The following LCLAT1 variants were observed in gnomAD, a reference collection of about 807,000 sequenced individuals.
The protein encoded by LCLAT1 is lysocardiolipin acyltransferase 1.
In LCLAT1, 11 loss-of-function variants were observed where a neutral mutation model predicts 30.7. That is an observed-to-expected ratio of 0.36 (90% confidence interval 0.23 to 0.59). LCLAT1 has a LOEUF of 0.59. Among genes scored for constraint, LCLAT1 ranks in the 20% least tolerant of loss-of-function variants. The probability of loss-of-function intolerance (pLI) is 0.77; values close to 1 mark genes in which losing one functional copy is unlikely to be tolerated. For missense variants in LCLAT1, 402 were observed against 458.6 expected (o/e 0.88, Z 1.13); for synonymous variants, 155 against 151.3 (o/e 1.02, Z -0.18).
At chr2:30,463,329 A>T (rs1382615533) in intron 1 of LCLAT1, among the ~76,000 whole-genome samples, 3 of 152,104 alleles carry the variant, frequency 2.0e-5, no homozygotes, top group Non-Finnish European at 4.4e-5. Context: ...TTTTGAAAAC[A>T]TGGTTTCTAT....
intron 5 of LCLAT1, among the ~76,000 whole-genome samples, chr2:30,624,898 A>G (rs1668433093): frequency 6.6e-6 from 1 of 152,200 alleles, no homozygotes. Context: ...AGAAAAATGA[A>G]ATTATATCCA....
At chr2:30,590,351 G>GTTGA (rs893825883) in intron 5 of LCLAT1, among the ~76,000 whole-genome samples, 1 of 151,136 alleles carries the variant, frequency 6.6e-6, no homozygotes, top group African/African-American at 2.4e-5. Context: ...GGAAACAATA[G>GTTGA]TTGATTAGTT....
chr2:30,520,924 A>G (rs1685440511), intron 1 of LCLAT1, among the ~76,000 whole-genome samples: 1 of 152,220 alleles, frequency 6.6e-6, no homozygotes, highest in South Asian at 2.1e-4. Flanking sequence ...TCCATCTTAA[A>G]TAGGAGCTGG....
intron 4 of LCLAT1, among the ~76,000 whole-genome samples, chr2:30,566,785 T>C (rs888617860): frequency 6.6e-6 from 1 of 152,218 alleles, no homozygotes; most frequent in African/African-American, 2.4e-5. Context: ...ATGTATTTGC[T>C]GAATAATGGG....
In LCLAT1 at chr2:30,643,543, T is replaced by A. The variant is rs1394374167; in HGVS notation, c.*2924T>A. The A allele has an allele frequency of 6.6e-6, 1 of 152,514 alleles. No individual in the cohort carries two copies. The highest frequency in any genetic ancestry group is 6.5e-5 in the Admixed American group (1 of 15,270). 9.4% of individuals were successfully genotyped at this position (152,514 alleles called of 1,614,324 possible). A position where few individuals can be genotyped will look rare whatever the true frequency, so the allele number is the denominator to read the frequency against. On this transcript the variant is annotated 3_prime_UTR_variant, in exon 6 of 6. Coordinates refer to ENST00000379509, the MANE Select transcript of LCLAT1 (RefSeq NM_001002257.3). ...ATTCAAGGGAAATACCAGCTTCCAC[T>A]TGAGTCACTTTGAAATAGTTAATTC...
chr2:30,589,054 T>C (rs1666571966), intron 5 of LCLAT1, among the ~76,000 whole-genome samples: 1 of 152,226 alleles, frequency 6.6e-6, no homozygotes, highest in Admixed American at 6.5e-5. Context: ...TGGTAAAGAG[T>C]ACATTTTGTA....
chr2:30,609,043 A>C (rs547126683), intron 5 of LCLAT1, among the ~76,000 whole-genome samples: 103 of 151,880 alleles, frequency 6.8e-4, no homozygotes, highest in African/African-American at 2.2e-3. Context: ...CTGATTACAA[A>C]GGATTTTCAC....
intron 5 of LCLAT1, among the ~76,000 whole-genome samples, chr2:30,612,427 C>T (rs140056307): frequency 2.0e-4 from 31 of 152,230 alleles, no homozygotes; most frequent in Middle Eastern, 3.4e-3. Flanking sequence ...GTCCTTGTGG[C>T]GCCCTGTGCC....
At chr2:30,476,313 G>C in intron 1 of LCLAT1, 1 of 449,578 alleles carries the variant, frequency 2.2e-6, no homozygotes, top group South Asian at 1.6e-5. Context: ...CACACAGTAA[G>C]TGTTGGAACC....
At position 30,533,289 on chromosome 2, in the gene LCLAT1, G is replaced by A. The variant is rs754334439; in HGVS notation, c.339G>A (p.Ala113=). 15 of 1,613,932 alleles carry A rather than the reference G, an allele frequency of 9.3e-6. No homozygotes were observed. Among genetic ancestry groups the A allele is most frequent in the Admixed American group, 5.0e-5 (3 of 59,996 alleles). The change falls in exon 3 of 6, where the codon GCG becomes GCA. Residue 113 remains alanine (A), a synonymous_variant. Coordinates refer to ENST00000379509, the MANE Select transcript of LCLAT1 (RefSeq NM_001002257.3). The part of the protein sequence containing the change: ...YLRLEKICLK[A]SLKGVPGFGW... ...GATTGGAGAAAATTTGCCTCAAAGC[G>A]AGTCTCAAAGGTGTTCCTGGATTTG... is the stretch of plus-strand genomic sequence containing the variant.
At chr2:30,533,025 G>A (rs545661699) in intron 2 of LCLAT1, 91 bp from the exon 3 acceptor site, 1 of 924,032 alleles carries the variant, frequency 1.1e-6, no homozygotes, top group African/African-American at 1.6e-5. Flanking sequence ...TTACATGTTA[G>A]AAATCATAAG....
At chr2:30,605,579 A>G (rs974641296) in intron 5 of LCLAT1, among the ~76,000 whole-genome samples, 1 of 152,210 alleles carries the variant, frequency 6.6e-6, no homozygotes, top group African/African-American at 2.4e-5. Flanking sequence ...TTCAGCCTAA[A>G]ATGAATTTTA....
intron 1 of LCLAT1, among the ~76,000 whole-genome samples, chr2:30,519,166 T>G (rs1572561130): frequency 2.0e-5 from 3 of 152,204 alleles, no homozygotes; most frequent in African/African-American, 7.2e-5. Context: ...CCCTACTAAC[T>G]GTTGGATGTG....
intron 1 of LCLAT1, among the ~76,000 whole-genome samples, chr2:30,474,371 A>G (rs957103228): frequency 1.3e-5 from 2 of 152,228 alleles, no homozygotes; most frequent in Non-Finnish European, 2.9e-5. Context: ...CTAGTTTTCC[A>G]TCAGATTTTT....
chr2:30,632,638 A>G (rs1002444145), intron 5 of LCLAT1, among the ~76,000 whole-genome samples: 5 of 152,254 alleles, frequency 3.3e-5, no homozygotes, highest in Admixed American at 6.5e-5. Context: ...GAGGAAGAAT[A>G]ATGATGATAC....
intron 5 of LCLAT1, among the ~76,000 whole-genome samples, chr2:30,596,752 T>A (rs1666944700): frequency 6.9e-6 from 1 of 144,112 alleles, no homozygotes; most frequent in South Asian, 2.3e-4. Context: ...CCTAGATTTT[T>A]TTCTAGGGTT....
chr2:30,458,171 C>A (rs1328840965), intron 1 of LCLAT1, among the ~76,000 whole-genome samples: 1 of 152,156 alleles, frequency 6.6e-6, no homozygotes, highest in African/African-American at 2.4e-5. Flanking sequence ...TTCTAATATG[C>A]AGTGACCTTG....
rs551051409 is a variant in LCLAT1 at position 30,615,058 on chromosome 2, T to C, written c.629-25059T>C. Among the ~76,000 whole-genome samples the C allele has an allele frequency of 1.1e-4, 16 of 152,208 alleles. No individual in the cohort carries two copies. In the South Asian group the frequency reaches 2.7e-3, roughly 26 times the overall value. On this transcript the variant is annotated intron_variant, in intron 5 of 5. Coordinates refer to ENST00000379509, the MANE Select transcript of LCLAT1 (RefSeq NM_001002257.3). ...GAAAGAGGATTGAAGACAGTGAGTA[T>C]AGACAGCTCAGGAAGTTTAGCTGTG...
chr2:30,519,321 C>T (rs566376224), intron 1 of LCLAT1, among the ~76,000 whole-genome samples: 22 of 152,142 alleles, frequency 1.4e-4, no homozygotes, highest in Non-Finnish European at 2.6e-4. Flanking sequence ...TAAGATCTAC[C>T]GTGGACCCCT....
Sources: gnomAD v4.1 joint callset for allele counts (sites outside exome capture counted in the v4.1 genomes callset) on GRCh38, gnomAD v4.1.1 for gene constraint, MANE v1.5 for transcripts, NCBI Gene and HGNC (gene_info 2026-07-23, HGNC 2026-07-21) for gene names.